PPP3CC: variants seen among roughly 807,000 people sequenced by gnomAD.
The protein encoded by PPP3CC is protein phosphatase 3 catalytic subunit gamma, also known as serine/threonine-protein phosphatase 2B catalytic subunit gamma isoform.
Under a neutral mutation model 60.3 loss-of-function variants are expected in PPP3CC, and 35 were observed. The observed-to-expected ratio is 0.58, with a 90% CI of 0.44 to 0.77. The LOEUF (loss-of-function observed/expected upper bound fraction) is 0.77. PPP3CC is among the 30% of genes least tolerant of loss of function. The pLI is 0.00. For missense variants in PPP3CC, 570 were observed against 628.9 expected (o/e 0.91, Z 1.00); for synonymous variants, 206 against 224.3 (o/e 0.92, Z 0.73).
At chr8:22,492,851 G>A in intron 3 of PPP3CC, 1 of 1,014,176 alleles carries the variant, frequency 9.9e-7, no homozygotes. Context: ...CAGCAGAGAT[G>A]CCAGCAAACT....
In PPP3CC at chr8:22,540,701, C is replaced by T. The variant is rs758283531; in HGVS notation, c.1438C>T (p.Arg480Ter). The change falls in exon 14 of 14, where the codon CGA (arginine) becomes TGA (stop). Residue 480 changes from arginine to a stop codon, truncating the protein, a stop_gained. Coordinates refer to ENST00000240139, the MANE Select transcript of PPP3CC (RefSeq NM_005605.5). LOFTEE classifies it low-confidence loss of function (END_TRUNC). Reference protein sequence around the residue: ...LDRINERMPPRKDSIHAGGPM... With the variant: ...LDRINERMPP ...CCGAATTAATGAGCGAATGCCACCC[C>T]GAAAGGATAGCATACACGCTGGTGG... 15 of 1,613,964 alleles carry T rather than the reference C, an allele frequency of 9.3e-6. No homozygotes were observed. Among genetic ancestry groups the T allele is most frequent in the South Asian group, 2.2e-5 (2 of 91,084 alleles).
rs774834878 is a variant in PPP3CC, at chr8:22,533,009, A to G, written c.1312A>G (p.Ile438Val). Residue 438 changes from isoleucine to valine, a missense_variant, in exon 12 of 14, where the codon ATC becomes GTC. Ile to Val is a conservative substitution (Grantham distance 29, BLOSUM62 3). Transcript: ENST00000240139. The stretch of plus-strand genomic sequence containing the variant: ...CGTCCTCTCAGGAGGCAAGCAGACT[A>G]TCGAGACAGGTGAGTATGAGAGTGC... Reference protein sequence around the residue: ...LGVLSGGKQTIETATVEAVEA... With the variant: ...LGVLSGGKQTVETATVEAVEA... 5.6e-6 allele frequency: 9 copies of G among 1,601,634 alleles called. No homozygotes were observed. The highest frequency in any genetic ancestry group is 1.1e-5 in the South Asian group (1 of 89,832).
chr8:22,500,863 A>G (rs949313764), intron 4 of PPP3CC, among the ~76,000 whole-genome samples: 3 of 152,210 alleles, frequency 2.0e-5, no homozygotes, highest in African/African-American at 7.2e-5. Flanking sequence ...GGATGTTTAA[A>G]TTGGTGTAAG....
chr8:22,503,745 T>C (rs1367424571), intron 4 of PPP3CC, among the ~76,000 whole-genome samples: 1 of 152,244 alleles, frequency 6.6e-6, no homozygotes, highest in Non-Finnish European at 1.5e-5. Flanking sequence ...TCACATGATT[T>C]AACTGTAGTT....
intron 1 of PPP3CC, among the ~76,000 whole-genome samples, chr8:22,444,772 A>G (rs1276215450): frequency 1.3e-5 from 2 of 152,238 alleles, no homozygotes; most frequent in African/African-American, 2.4e-5. Flanking sequence ...AGCAGTTTAT[A>G]TGCACTGGGG....
chr8:22,503,179 C>T (rs1467516950), intron 4 of PPP3CC, among the ~76,000 whole-genome samples: 2 of 152,170 alleles, frequency 1.3e-5, no homozygotes, highest in African/African-American at 4.8e-5. Flanking sequence ...CAGCTGTGTG[C>T]TGCTGGTTAA....
chr8:22,528,649 T>C, intron 10 of PPP3CC, 72 bp downstream of exon 10: 1 of 1,112,840 alleles, frequency 9.0e-7, no homozygotes, highest in East Asian at 2.6e-5. Context: ...TAGTTTATTT[T>C]GAATGATTTT....
intron 1 of PPP3CC, among the ~76,000 whole-genome samples, chr8:22,454,794 C>T (rs976655514): frequency 6.6e-6 from 1 of 152,038 alleles, no homozygotes; most frequent in Non-Finnish European, 1.5e-5. Flanking sequence ...TAAGGCTGGG[C>T]GCGGTGGCTC....
chr8:22,514,417 CAT>C (rs1383567219), intron 6 of PPP3CC, among the ~76,000 whole-genome samples: 2 of 152,076 alleles, frequency 1.3e-5, no homozygotes, highest in Non-Finnish European at 1.5e-5. Flanking sequence ...TGCACACACA[CAT>C]GAAACTTTGA....
chr8:22,465,720 T>C (rs143835768), intron 1 of PPP3CC, among the ~76,000 whole-genome samples: 289 of 152,350 alleles, frequency 1.9e-3, no homozygotes, highest in African/African-American at 6.5e-3. Context: ...CTATTCATTA[T>C]AAATTATCCA....
rs962611232 is a variant in PPP3CC, at chr8:22,478,035, A to G, written c.372+2411A>G. 7.8e-4 allele frequency among the ~76,000 whole-genome samples: 119 copies of G among 152,256 alleles called. 2 individuals carry two copies. Among genetic ancestry groups the G allele is most frequent in the Admixed American group, 1.5e-3 (23 of 15,286 alleles). On this transcript the variant is annotated intron_variant, in intron 3 of 13. Transcript: ENST00000240139. ...CTGGCTAATTTTTTGTATTTTTAGT[A>G]GAGACGGGGTTTCACCATCTTGGCC...
At chr8:22,472,128 CAA>C (rs1228069939) in intron 1 of PPP3CC, among the ~76,000 whole-genome samples, 1 of 151,834 alleles carries the variant, frequency 6.6e-6, no homozygotes, top group Non-Finnish European at 1.5e-5. Flanking sequence ...GATCCTATCT[CAA>C]AAACAAATTT....
intron 4 of PPP3CC, among the ~76,000 whole-genome samples, chr8:22,508,006 C>T (rs551249115): frequency 6.6e-6 from 1 of 152,276 alleles, no homozygotes; most frequent in East Asian, 1.9e-4. Context: ...GTAATCCCAG[C>T]ACTTTGGGAG....
chr8:22,464,473 G>A (rs939164554), intron 1 of PPP3CC, among the ~76,000 whole-genome samples: 7 of 152,090 alleles, frequency 4.6e-5, no homozygotes, highest in Non-Finnish European at 8.8e-5. Context: ...TCAATCTCCT[G>A]GGCTCAAGTG....
At chr8:22,457,101 C>T (rs1837225850) in intron 1 of PPP3CC, among the ~76,000 whole-genome samples, 1 of 141,996 alleles carries the variant, frequency 7.0e-6, no homozygotes, top group Admixed American at 7.2e-5. Context: ...TTCCCTCCTT[C>T]CCCCTCCATC....
At chr8:22,482,265 T>G (rs1344591770) in intron 3 of PPP3CC, among the ~76,000 whole-genome samples, 2 of 152,246 alleles carry the variant, frequency 1.3e-5, no homozygotes, top group African/African-American at 4.8e-5. Context: ...GGTTTTGATT[T>G]GCATTTCTCT....
At chr8:22,443,015 A>G in intron 1 of PPP3CC, among the ~76,000 whole-genome samples, 1 of 152,200 alleles carries the variant, frequency 6.6e-6, no homozygotes, top group East Asian at 1.9e-4. Flanking sequence ...CAGGGAAACC[A>G]GATAAGCCAG....
intron 1 of PPP3CC, among the ~76,000 whole-genome samples, chr8:22,448,461 C>A (rs1030346342): frequency 4.0e-5 from 6 of 149,906 alleles, no homozygotes; most frequent in Admixed American, 2.0e-4. Flanking sequence ...CTCACCGCAA[C>A]CTCTGCCTGC....
intron 1 of PPP3CC, among the ~76,000 whole-genome samples, chr8:22,444,368 A>T (rs1836763935): frequency 6.6e-6 from 1 of 152,228 alleles, no homozygotes; most frequent in African/African-American, 2.4e-5. Context: ...AAGTTAAGGT[A>T]GTACTTTGAG....
Sources: allele counts gnomAD v4.1 joint callset (sites outside exome capture counted in the v4.1 genomes callset), GRCh38; gene constraint gnomAD v4.1.1; transcripts MANE v1.5; gene names NCBI Gene and HGNC (gene_info 2026-07-23, HGNC 2026-07-21).